The following MACROD2 variants were observed in gnomAD, a reference collection of about 807,000 sequenced individuals.
The protein encoded by MACROD2 is mono-ADP ribosylhydrolase 2, also known as ADP-ribose glycohydrolase MACROD2.
MACROD2 carries 36 observed loss-of-function variants against 70.4 expected under a neutral mutation model. That is an observed-to-expected ratio of 0.51 (90% CI 0.39 to 0.68). The LOEUF is 0.68. Ranked by LOEUF, MACROD2 falls within the 30% of genes least tolerant of loss-of-function variation. The pLI is 0.00. For missense variants in MACROD2, 496 were observed against 538.4 expected (o/e 0.92, Z 0.78); for synonymous variants, 172 against 178.8 (o/e 0.96, Z 0.30).
chr20:14,276,177 C>T (rs1045936585), intron 3 of MACROD2, among the ~76,000 whole-genome samples: 8 of 152,126 alleles, frequency 5.3e-5, no homozygotes, highest in African/African-American at 1.4e-4. Flanking sequence ...CACATGCACG[C>T]GTATGTTTAT....
Position 15,106,361 on chromosome 20 carries a change from G to A in MACROD2, c.419-123579G>A, listed in dbSNP as rs138669104. Among the ~76,000 whole-genome samples the A allele has an allele frequency of 5.4e-3, 818 of 152,194 alleles. 2 individuals carry two copies. Among genetic ancestry groups the A allele is most frequent in the Middle Eastern group, 0.027 (8 of 294 alleles). On this transcript the variant is annotated intron_variant, in intron 5 of 17. Coordinates refer to ENST00000684519, the MANE Select transcript of MACROD2 (RefSeq NM_001351661.2). ...TAACATTCTTTAAGAGTCTTAACAA[G>A]AAAATTATTAGTTTCTCGGTAAGCT... is the stretch of plus-strand genomic sequence containing the variant.
In MACROD2 at chr20:15,895,232, C is replaced by T. The variant is rs115381556; in HGVS notation, c.775+9421C>T. Among the ~76,000 whole-genome samples the T allele has an allele frequency of 6.0e-3, 911 of 152,254 alleles. 7 individuals carry two copies. Among genetic ancestry groups the T allele is most frequent in the African/African-American group, 0.021 (860 of 41,554 alleles). Reference sequence around the variant, plus strand: ...TTGCTTTGTTTAGGAACATCATTCCCGAATCCTAATATGACTCAATAATAC... The same window carrying T: ...TTGCTTTGTTTAGGAACATCATTCCTGAATCCTAATATGACTCAATAATAC... On this transcript the variant is annotated intron_variant, in intron 10 of 17. Coordinates refer to ENST00000684519, the MANE Select transcript of MACROD2 (RefSeq NM_001351661.2).
At chr20:15,926,877 G>A (rs527735673) in intron 10 of MACROD2, among the ~76,000 whole-genome samples, 1 of 152,290 alleles carries the variant, frequency 6.6e-6, no homozygotes, top group Non-Finnish European at 1.5e-5. Context: ...TCAAGCAGGG[G>A]AGTGGTATGA....
At chr20:15,389,692 T>G (rs919352582) in intron 6 of MACROD2, among the ~76,000 whole-genome samples, 7 of 152,192 alleles carry the variant, frequency 4.6e-5, no homozygotes, top group African/African-American at 1.7e-4. Flanking sequence ...AGACAAACAA[T>G]TTTGGTTTTC....
In MACROD2 at chr20:15,869,238, T is replaced by TATATAG; in HGVS notation, c.727+6413_727+6414insTATAGA. Among the ~76,000 whole-genome samples the TATATAG allele has an allele frequency of 3.9e-3, 109 of 28,292 alleles. 2 individuals are homozygous for TATATAG. The highest frequency in any genetic ancestry group is 6.5e-3 in the Non-Finnish European group (85 of 13,026). The allele number at this position is 28,292 out of a possible 152,430, so 18.6% of individuals were successfully genotyped here. A position where few individuals can be genotyped will look rare whatever the true frequency, so the allele number is the denominator to read the frequency against. On this transcript the variant is annotated intron_variant, in intron 9 of 17. Transcript: ENST00000684519. ...ATATATATATATATATATATATATA[T>TATATAG]AGAGAGAGAGAGAGAGAGAGAGAGA...
At chr20:15,535,283 G>T (rs1465943563) in intron 8 of MACROD2, among the ~76,000 whole-genome samples, 1 of 151,812 alleles carries the variant, frequency 6.6e-6, no homozygotes, top group African/African-American at 2.4e-5. Flanking sequence ...GCCAAATATT[G>T]TATATAATAC....
chr20:14,305,832 T>C (rs1335005552), intron 3 of MACROD2, among the ~76,000 whole-genome samples: 1 of 152,084 alleles, frequency 6.6e-6, no homozygotes, highest in African/African-American at 2.4e-5. Flanking sequence ...GGGGAAAGAT[T>C]TTGTTACATA....
intron 3 of MACROD2, among the ~76,000 whole-genome samples, chr20:14,272,259 C>G (rs539926630): frequency 1.3e-3 from 203 of 152,088 alleles, no homozygotes; most frequent in Middle Eastern, 3.4e-3. Flanking sequence ...GTCGGGTTAC[C>G]CACAAAGGGA....
At chr20:15,357,245 A>T (rs1463204180) in intron 6 of MACROD2, among the ~76,000 whole-genome samples, 2 of 152,242 alleles carry the variant, frequency 1.3e-5, no homozygotes, top group African/African-American at 4.8e-5. Context: ...AGTGAGAAAG[A>T]TTATACTATA....
At chr20:14,685,824 G>T (rs563549678) in intron 5 of MACROD2, among the ~76,000 whole-genome samples, 1 of 152,092 alleles carries the variant, frequency 6.6e-6, no homozygotes, top group Middle Eastern at 3.2e-3. Flanking sequence ...AGCTGGTTTT[G>T]ATTTTTGTTT....
At chr20:14,152,322 TATC>T (rs1262551847) in intron 3 of MACROD2, among the ~76,000 whole-genome samples, 2 of 152,230 alleles carry the variant, frequency 1.3e-5, no homozygotes, top group Non-Finnish European at 2.9e-5. Context: ...CAATCTAGTC[TATC>T]ATATTTGACA....
Position 15,355,972 on chromosome 20 carries a change from A to G in MACROD2, c.541-75433A>G, listed in dbSNP as rs147733303. Among the ~76,000 whole-genome samples, 329 of 152,278 alleles carry G rather than the reference A, an allele frequency of 2.2e-3. 2 individuals carry two copies. The highest frequency in any genetic ancestry group is 7.2e-3 in the African/African-American group (299 of 41,564). ...ACCTTTCCAAGCTCTAGTTCTAGTA[A>G]TTTACAAGCACTGGTGTTCTCACCT... On this transcript the variant is annotated intron_variant, in intron 6 of 17. Coordinates refer to ENST00000684519, the MANE Select transcript of MACROD2 (RefSeq NM_001351661.2).
chr20:14,065,706 G>A (rs1248558461), intron 2 of MACROD2, among the ~76,000 whole-genome samples: 1 of 152,180 alleles, frequency 6.6e-6, no homozygotes, highest in Non-Finnish European at 1.5e-5. Context: ...GCCTAGAAGG[G>A]TTATATTTGA....
At chr20:14,563,341 G>T (rs1979562973) in intron 4 of MACROD2, among the ~76,000 whole-genome samples, 1 of 151,806 alleles carries the variant, frequency 6.6e-6, no homozygotes, top group South Asian at 2.1e-4. Flanking sequence ...AAAGGGAATG[G>T]AATTTATTTT....
chr20:14,859,090 G>T (rs1288172156), intron 5 of MACROD2, among the ~76,000 whole-genome samples: 1 of 151,962 alleles, frequency 6.6e-6, no homozygotes, highest in African/African-American at 2.4e-5. Flanking sequence ...GGTTGGGAGG[G>T]GGGTGAGCGG....
Position 14,326,376 on chromosome 20 carries a change from G to T in MACROD2, c.272-167103G>T, listed in dbSNP as rs1375192960. ...TCACTGGAGCTGGCCACTGTCCTTG[G>T]GCAGGATACACTGTGTTGGGTATTG... is the stretch of plus-strand genomic sequence containing the variant. On this transcript the variant is annotated intron_variant, in intron 3 of 17. Transcript: ENST00000684519. This position sits in a 1 kb window ranked among gnomAD's most constrained non-coding sequence, Gnocchi z 5.5. The T allele has an allele frequency of 6.2e-7, 1 of 1,613,880 alleles. No individual in the cohort carries two copies.
intron 8 of MACROD2, among the ~76,000 whole-genome samples, chr20:15,757,947 T>C (rs2051372763): frequency 6.6e-6 from 1 of 152,192 alleles, no homozygotes; most frequent in Admixed American, 6.5e-5. Flanking sequence ...TAGCCTATGA[T>C]AATGAGGTTC....
chr20:14,139,541 T>G (rs1460490016), intron 3 of MACROD2, among the ~76,000 whole-genome samples: 1 of 152,202 alleles, frequency 6.6e-6, no homozygotes, highest in African/African-American at 2.4e-5. Flanking sequence ...AAATAAGAAT[T>G]GTAAACAATT....
At chr20:14,187,174 G>A (rs1235058395) in intron 3 of MACROD2, among the ~76,000 whole-genome samples, 5 of 149,810 alleles carry the variant, frequency 3.3e-5, no homozygotes, top group Non-Finnish European at 5.9e-5. Context: ...TGGTAGATGT[G>A]TTCATACTTT....
Sources: gnomAD v4.1 joint callset for allele counts (sites outside exome capture counted in the v4.1 genomes callset) on GRCh38, gnomAD v4.1.1 for gene constraint, Gnocchi (gnomAD v3.1) non-coding constraint, MANE v1.5 for transcripts, NCBI Gene and HGNC (gene_info 2026-07-23, HGNC 2026-07-21) for gene names.